Variants in ZNF385B observed in about 807,000 individuals in gnomAD.
ZNF385B encodes zinc finger protein 385B.
ZNF385B carries 23 observed loss-of-function variants against 39.2 expected under a neutral mutation model. The ratio of observed to expected loss-of-function variants is 0.59; its 90% confidence interval spans 0.42 to 0.83. The LOEUF is 0.83. Ranked by LOEUF, ZNF385B falls within the 40% of genes least tolerant of loss-of-function variation. ZNF385B has a pLI of 0.00. For missense variants in ZNF385B, 552 were observed against 598.9 expected, an observed-to-expected ratio of 0.92 and a Z score of 0.82; for synonymous variants, 205 against 222.6, an observed-to-expected ratio of 0.92 and a Z score of 0.70.
intron 3 of ZNF385B, among the ~76,000 whole-genome samples, chr2:179,571,635 A>G (rs1405892116): frequency 1.3e-5 from 2 of 152,246 alleles, no homozygotes; most frequent in African/African-American, 4.8e-5. Flanking sequence ...TTAAAAGGTT[A>G]GTTAGGAAAG....
intron 3 of ZNF385B, among the ~76,000 whole-genome samples, chr2:179,649,874 G>T (rs1413615059): frequency 6.6e-6 from 1 of 152,078 alleles, no homozygotes; most frequent in Non-Finnish European, 1.5e-5. Context: ...AAAAAGTAAT[G>T]TTAAGTTTAA....
At chr2:179,683,607 C>G (rs1227631991) in intron 3 of ZNF385B, among the ~76,000 whole-genome samples, 1 of 151,842 alleles carries the variant, frequency 6.6e-6, no homozygotes, top group South Asian at 2.1e-4. Context: ...TCCCGAGTAG[C>G]TGGGATTACA....
intron 3 of ZNF385B, among the ~76,000 whole-genome samples, chr2:179,701,212 G>A (rs1200822502): frequency 3.3e-5 from 5 of 152,072 alleles, no homozygotes; most frequent in Non-Finnish European, 7.4e-5. Context: ...TCCCCACCTG[G>A]CTTCTGGCAA....
chr2:179,619,229 C>T (rs1356308450), intron 3 of ZNF385B, among the ~76,000 whole-genome samples: 9 of 152,126 alleles, frequency 5.9e-5, no homozygotes, highest in Non-Finnish European at 7.4e-5. Flanking sequence ...GCTGTGAATA[C>T]TGAAAACACA....
intron 5 of ZNF385B, among the ~76,000 whole-genome samples, chr2:179,493,613 G>GCA (rs1163962601): frequency 4.3e-4 from 42 of 96,730 alleles, no homozygotes; most frequent in East Asian, 1.5e-3. Context: ...ATATATGTAC[G>GCA]TACATATATG....
intron 1 of ZNF385B, among the ~76,000 whole-genome samples, chr2:179,801,833 G>C (rs1706054993): frequency 6.6e-6 from 1 of 152,076 alleles, no homozygotes; most frequent in Non-Finnish European, 1.5e-5. Flanking sequence ...CAAAATTACA[G>C]AATGTCTGAC....
chr2:179,675,857 C>T (rs1020770262), intron 3 of ZNF385B, among the ~76,000 whole-genome samples: 8 of 150,770 alleles, frequency 5.3e-5, no homozygotes, highest in East Asian at 2.0e-4. Flanking sequence ...GCATGATCTC[C>T]GCTCATTGCA....
At chr2:179,762,951 C>T (rs1008820769) in intron 3 of ZNF385B, among the ~76,000 whole-genome samples, 2 of 152,328 alleles carry the variant, frequency 1.3e-5, no homozygotes. Flanking sequence ...GTCTCCCAGG[C>T]TGGAGTGCAA....
At chr2:179,787,255 T>C (rs181085414) in intron 1 of ZNF385B, among the ~76,000 whole-genome samples, 251 of 152,178 alleles carry the variant, frequency 1.6e-3, no homozygotes, top group African/African-American at 5.7e-3. Context: ...TATTCAAATC[T>C]ACCCACCTTT....
chr2:179,823,304 G>C (rs1707507390), intron 1 of ZNF385B, among the ~76,000 whole-genome samples: 1 of 152,080 alleles, frequency 6.6e-6, no homozygotes, highest in Non-Finnish European at 1.5e-5. Context: ...GTGAATTTTA[G>C]TTCTAGATAA....
At chr2:179,671,232 C>T (rs1026880733) in intron 3 of ZNF385B, among the ~76,000 whole-genome samples, 6 of 152,298 alleles carry the variant, frequency 3.9e-5, no homozygotes, top group African/African-American at 1.4e-4. Context: ...TCTTATGCTC[C>T]TCCCGCTTGA....
chr2:179,737,567 T>C (rs947750081), intron 3 of ZNF385B, among the ~76,000 whole-genome samples: 4 of 152,126 alleles, frequency 2.6e-5, no homozygotes, highest in African/African-American at 9.7e-5. Context: ...ACATCTATGA[T>C]TGAAAAAAGA....
chr2:179,745,479 C>T (rs867383968), intron 3 of ZNF385B, among the ~76,000 whole-genome samples: 3 of 152,242 alleles, frequency 2.0e-5, no homozygotes, highest in Middle Eastern at 3.4e-3. Context: ...AAGATGTCCT[C>T]GGCAAACAGC....
intron 1 of ZNF385B, among the ~76,000 whole-genome samples, chr2:179,834,983 T>C (rs544487660): frequency 2.6e-5 from 4 of 152,128 alleles, no homozygotes; most frequent in Middle Eastern, 3.4e-3. Context: ...GTCAATATCA[T>C]AAGGAACAAA....
chr2:179,760,223 C>CGTGCGTGTGTGTGTGT (rs1553525684), intron 3 of ZNF385B, among the ~76,000 whole-genome samples: 2 of 144,476 alleles, frequency 1.4e-5, no homozygotes, highest in Admixed American at 6.9e-5. Flanking sequence ...TTCCTGTGTG[C>CGTGCGTGTGTGTGTGT]GTGTGTGTGT....
intron 1 of ZNF385B, among the ~76,000 whole-genome samples, chr2:179,808,056 G>A (rs1419923078): frequency 2.0e-5 from 3 of 151,402 alleles, no homozygotes; most frequent in African/African-American, 7.3e-5. Flanking sequence ...TGTTTGTGAC[G>A]GAGTCTTGCT....
intron 1 of ZNF385B, among the ~76,000 whole-genome samples, chr2:179,836,513 C>CTTTTTTCT (rs1553542750): frequency 1.6e-5 from 2 of 124,178 alleles, no homozygotes; most frequent in African/African-American, 3.1e-5. Flanking sequence ...CTTGCGTTTT[C>CTTTTTTCT]TTTTTTTTTT....
intron 1 of ZNF385B, among the ~76,000 whole-genome samples, chr2:179,813,548 G>A (rs775279765): frequency 1.3e-5 from 2 of 152,034 alleles, no homozygotes; most frequent in Non-Finnish European, 2.9e-5. Flanking sequence ...GTGGAAGATG[G>A]GTAAAGGATA....
intron 1 of ZNF385B, among the ~76,000 whole-genome samples, chr2:179,777,979 T>C (rs1433369204): frequency 2.0e-5 from 3 of 152,046 alleles, no homozygotes; most frequent in Non-Finnish European, 4.4e-5. Flanking sequence ...CCATGTTGTC[T>C]GGGCTGGTCT....
Sources: allele counts gnomAD v4.1 joint callset (sites outside exome capture counted in the v4.1 genomes callset), GRCh38; gene constraint gnomAD v4.1.1; transcripts MANE v1.5; gene names NCBI Gene and HGNC (gene_info 2026-07-23, HGNC 2026-07-21).